Variants in DOCK7 observed in about 807,000 individuals in gnomAD.
DOCK7 encodes dedicator of cytokinesis 7.
In DOCK7, 138 loss-of-function variants were observed where a neutral mutation model predicts 271.0. The observed-to-expected ratio is 0.51, with a 90% CI of 0.44 to 0.59. DOCK7 has a LOEUF of 0.59. DOCK7 is among the 20% of genes least tolerant of loss of function. The probability of loss-of-function intolerance (pLI) is 0.00; values close to 1 mark genes in which losing one functional copy is unlikely to be tolerated. For missense variants in DOCK7, 2,066 were observed against 2,592.4 expected (o/e 0.80, Z 4.41); for synonymous variants, 823 against 876.1 (o/e 0.94, Z 1.07).
At chr1:62,465,555 GTTGT>G (rs1285961422) in intron 48 of DOCK7, among the ~76,000 whole-genome samples, 1 of 152,006 alleles carries the variant, frequency 6.6e-6, no homozygotes, top group Non-Finnish European at 1.5e-5. Context: ...TTTTGTTGTT[GTTGT>G]TTGTTTTTTT....
intron 27 of DOCK7, 141 bp downstream of exon 27, chr1:62,539,404 T>C (rs1645453610): frequency 1.5e-6 from 1 of 677,728 alleles, no homozygotes; most frequent in Non-Finnish European, 2.4e-6. Context: ...GCCTTGCTAA[T>C]AAAAATATGT....
intron 43 of DOCK7, chr1:62,481,882 C>T (rs938695922): frequency 1.8e-4 from 28 of 152,144 alleles, no homozygotes; most frequent in African/African-American, 2.4e-5. Context: ...CTTCTTTTAT[C>T]CTCTCCCAGT....
intron 42 of DOCK7, chr1:62,488,565 A>G (rs991732812): frequency 5.4e-6 from 1 of 186,772 alleles, no homozygotes; most frequent in African/African-American, 2.4e-5. Flanking sequence ...TTAATTTAAA[A>G]AACTGAAATA....
intron 39 of DOCK7, 114 bp from the exon 40 acceptor site, chr1:62,494,581 CTTAGTT>C (rs1435281556): frequency 1.3e-5 from 10 of 758,530 alleles, no homozygotes; most frequent in Non-Finnish European, 2.0e-6. Context: ...GCACAACCTA[CTTAGTT>C]TTAAAGTAGT....
intron 37 of DOCK7, among the ~76,000 whole-genome samples, chr1:62,497,766 C>G (rs1273871527): frequency 2.0e-5 from 3 of 152,166 alleles, no homozygotes; most frequent in African/African-American, 7.2e-5. Context: ...TGAACATGTT[C>G]CTCCTCTCCT....
At chr1:62,564,591 A>G (rs1309974201) in intron 18 of DOCK7, among the ~76,000 whole-genome samples, 1 of 152,212 alleles carries the variant, frequency 6.6e-6, no homozygotes, top group Non-Finnish European at 1.5e-5. Context: ...TGACCACAAG[A>G]GAAAGCAGGA....
chr1:62,521,513 G>C (rs932834283), intron 31 of DOCK7, among the ~76,000 whole-genome samples: 1 of 151,998 alleles, frequency 6.6e-6, no homozygotes, highest in Non-Finnish European at 1.5e-5. Flanking sequence ...TCGACTGTCT[G>C]GTAAGACTGA....
At chr1:62,655,543 G>T (rs1018592870) in intron 2 of DOCK7, among the ~76,000 whole-genome samples, 2 of 151,296 alleles carry the variant, frequency 1.3e-5, no homozygotes, top group African/African-American at 4.9e-5. Flanking sequence ...TCCCACCTCA[G>T]CCTCCCAAGT....
At chr1:62,509,016 A>G (rs1373949283) in intron 34 of DOCK7, among the ~76,000 whole-genome samples, 1 of 152,210 alleles carries the variant, frequency 6.6e-6, no homozygotes, top group Non-Finnish European at 1.5e-5. Context: ...CTTTATTATT[A>G]CCACTAAAGA....
Position 62,461,932 on chromosome 1 carries a change from G to A in DOCK7, c.6213-4227C>T, listed in dbSNP as rs1056641707. ...ACTAAAAATACAAAATTTGCCAGGCGTGGTGGCACATGTCTGTAATCCCAG... is the reference window on the plus strand; with the variant it reads ...ACTAAAAATACAAAATTTGCCAGGCATGGTGGCACATGTCTGTAATCCCAG... On this transcript the variant is annotated intron_variant, in intron 48 of 49. Transcript: ENST00000635253. Among the ~76,000 whole-genome samples, 9 of 150,798 alleles carry A rather than the reference G, an allele frequency of 6.0e-5. No individual in the cohort carries two copies. In the East Asian group the frequency reaches 1.4e-3, roughly 23 times the overall value.
chr1:62,563,983 C>T (rs1646426014), intron 18 of DOCK7, among the ~76,000 whole-genome samples: 1 of 147,760 alleles, frequency 6.8e-6, no homozygotes, highest in African/African-American at 2.5e-5. Context: ...AAGGGCATTA[C>T]ATAATGGTAA....
chr1:62,494,486 CT>C lies in DOCK7; in HGVS notation c.5025-20del. On this transcript the variant is annotated intron_variant, in intron 39 of 49. Coordinates refer to ENST00000635253, the MANE Select transcript of DOCK7 (RefSeq NM_001367561.1). ...GGCAATTCTAATTAGAACAGAAATTCTTCTCCATTAGTATGTGCTTCCCAAG... is the reference window on the plus strand; with the variant it reads ...GGCAATTCTAATTAGAACAGAAATTCTCTCCATTAGTATGTGCTTCCCAAG... 1 of 1,585,896 alleles carries C rather than the reference CT, an allele frequency of 6.3e-7. No individual in the cohort carries two copies. The highest frequency in any genetic ancestry group is 1.1e-5 in the South Asian group (1 of 89,038).
chr1:62,590,062 A>G (rs1648216387), intron 14 of DOCK7, among the ~76,000 whole-genome samples: 1 of 152,060 alleles, frequency 6.6e-6, no homozygotes, highest in Non-Finnish European at 1.5e-5. Flanking sequence ...ATGGAAACCA[A>G]AGGAAGAAAA....
At chr1:62,461,648 G>C (rs1645530083) in intron 48 of DOCK7, among the ~76,000 whole-genome samples, 3 of 149,558 alleles carry the variant, frequency 2.0e-5, no homozygotes, top group African/African-American at 7.4e-5. Flanking sequence ...TCCAGCCTGG[G>C]TGACACAGTG....
Position 62,688,207 on chromosome 1 carries a change from GC to G in DOCK7, c.38+19del. 7.3e-7 allele frequency: 1 copy of G among 1,369,494 alleles called. No homozygotes were observed. The allele number at this position is 1,369,494 out of a possible 1,614,324, so 84.8% of individuals were successfully genotyped here. A position where few individuals can be genotyped will look rare whatever the true frequency, so the allele number is the denominator to read the frequency against. ...CTTTCTCGGGCGGCGGCGGCGGCGCGCCCCACGCCGGATATTTACCTGCTGA... is the reference window on the plus strand; with the variant it reads ...CTTTCTCGGGCGGCGGCGGCGGCGCGCCCACGCCGGATATTTACCTGCTGA... On this transcript the variant is annotated intron_variant, in intron 1 of 49. Coordinates refer to ENST00000635253, the MANE Select transcript of DOCK7 (RefSeq NM_001367561.1).
chr1:62,564,070 G>T (rs2149449293), intron 18 of DOCK7, among the ~76,000 whole-genome samples: 1 of 152,092 alleles, frequency 6.6e-6, no homozygotes, highest in South Asian at 2.1e-4. Context: ...GATTCATAAA[G>T]CAAGTTATTA....
At chr1:62,471,725 A>G (rs1353294927) in intron 48 of DOCK7, among the ~76,000 whole-genome samples, 4 of 152,202 alleles carry the variant, frequency 2.6e-5, no homozygotes, top group African/African-American at 9.6e-5. Flanking sequence ...AACAAAAGAA[A>G]AAGATCCATT....
intron 20 of DOCK7, among the ~76,000 whole-genome samples, chr1:62,557,988 T>C (rs1362004705): frequency 1.3e-5 from 2 of 152,108 alleles, no homozygotes; most frequent in Non-Finnish European, 2.9e-5. Flanking sequence ...AGCATAGCCA[T>C]CTTTTTCTAG....
chr1:62,632,382 G>A (rs1654731946), intron 10 of DOCK7, among the ~76,000 whole-genome samples: 1 of 152,124 alleles, frequency 6.6e-6, no homozygotes, highest in Admixed American at 6.5e-5. Flanking sequence ...GGGACAGCCA[G>A]AATACTATAC....
Sources: allele counts gnomAD v4.1 joint callset (sites outside exome capture counted in the v4.1 genomes callset), GRCh38; gene constraint gnomAD v4.1.1; transcripts MANE v1.5; gene names NCBI Gene and HGNC (gene_info 2026-07-23, HGNC 2026-07-21).